Variants in WDR19 observed in about 807,000 individuals in gnomAD.
WDR19 encodes WD repeat-containing protein 19.
WDR19 carries 121 observed loss-of-function variants against 180.0 expected under a neutral mutation model. The ratio of observed to expected loss-of-function variants is 0.67; its 90% CI spans 0.58 to 0.78. The LOEUF (loss-of-function observed/expected upper bound fraction) is 0.78. Among genes scored for constraint, WDR19 ranks in the 30% least tolerant of loss-of-function variants. The probability of loss-of-function intolerance (pLI) is 0.00; values close to 1 mark genes in which losing one functional copy is unlikely to be tolerated. For missense variants in WDR19, 1,450 were observed against 1,640.7 expected (o/e 0.88, Z 2.01); for synonymous variants, 497 against 540.7 (o/e 0.92, Z 1.12).
intron 9 of WDR19, among the ~76,000 whole-genome samples, chr4:39,211,969 GAGAGAGAGAGAGAGAGAT>G (rs1210748217): frequency 1.5e-4 from 14 of 93,120 alleles, no homozygotes; most frequent in African/African-American, 7.2e-4. Flanking sequence ...GAGAGAGAGA[GAGAGAGAGAGAGAGAGAT>G]AGATAGATGT....
chr4:39,216,295 C>T (rs936671299), intron 12 of WDR19, 85 bp downstream of exon 12: 2 of 1,073,746 alleles, frequency 1.9e-6, no homozygotes, highest in Non-Finnish European at 2.7e-6. Context: ...CTTTTAGGAC[C>T]AAGTCTTTCA....
chr4:39,231,770 G>A, intron 17 of WDR19, 27 bp from the exon 18 acceptor site: 1 of 1,546,350 alleles, frequency 6.5e-7, no homozygotes, highest in South Asian at 1.3e-5. Flanking sequence ...GGAACATTCT[G>A]ATTAAGCTTA....
chr4:39,264,148 A>G (rs1734564210), intron 28 of WDR19, among the ~76,000 whole-genome samples: 1 of 152,164 alleles, frequency 6.6e-6, no homozygotes, highest in South Asian at 2.1e-4. Flanking sequence ...CAGTTCTGTG[A>G]GTTAGGTGCT....
intron 24 of WDR19, among the ~76,000 whole-genome samples, chr4:39,249,068 T>C (rs1054354041): frequency 1.3e-5 from 2 of 150,904 alleles, no homozygotes; most frequent in South Asian, 2.1e-4. Context: ...TCAGCAACTA[T>C]TCCAAAATTG....
In WDR19 at chr4:39,215,613, A is replaced by C. The variant is rs375422414; in HGVS notation, c.962-228A>C. ...TTCTCAGAACATAGCCCTGTTGTTA[A>C]GTGACACATAACTGTACTTTCCCTT... On this transcript the variant is annotated intron_variant, in intron 10 of 36. Transcript: ENST00000399820. Among the ~76,000 whole-genome samples, 31 of 152,316 alleles carry C rather than the reference A, an allele frequency of 2.0e-4. 1 individual carries two copies. In the South Asian group the frequency reaches 6.0e-3, roughly 30 times the overall value.
intron 14 of WDR19, among the ~76,000 whole-genome samples, chr4:39,222,805 C>T (rs530025835): frequency 2.6e-5 from 4 of 152,240 alleles, no homozygotes; most frequent in South Asian, 2.1e-4. Context: ...CCTAGTTTCC[C>T]GCAGTGGTAA....
chr4:39,185,883 A>G (rs1010576373), intron 2 of WDR19, 66 bp downstream of exon 2: 4 of 1,289,404 alleles, frequency 3.1e-6, no homozygotes, highest in Middle Eastern at 1.9e-4. Flanking sequence ...TCTACTCAGT[A>G]GAAGTTTTTT....
intron 3 of WDR19, among the ~76,000 whole-genome samples, chr4:39,189,068 A>G (rs1476104066): frequency 6.6e-6 from 1 of 152,016 alleles, no homozygotes; most frequent in Non-Finnish European, 1.5e-5. Context: ...GATTACAGGC[A>G]TGCACCACCA....
chr4:39,194,674 G>A lies in WDR19; in HGVS notation c.406+15G>A. The A allele has an allele frequency of 6.5e-7, 1 of 1,537,622 alleles. No homozygotes were observed. Among genetic ancestry groups the A allele is most frequent in the South Asian group, 1.1e-5 (1 of 87,516 alleles). On this transcript the variant is annotated intron_variant, in intron 5 of 36. Transcript: ENST00000399820. Reference sequence around the variant, plus strand: ...TCCTGTCCTTGGTAGGTGATAGCTGGAAACACTGCTAAATATTTGAGATGC... The same window carrying A: ...TCCTGTCCTTGGTAGGTGATAGCTGAAAACACTGCTAAATATTTGAGATGC...
At chr4:39,217,697 C>T (rs1407811787) in intron 13 of WDR19, among the ~76,000 whole-genome samples, 5 of 152,112 alleles carry the variant, frequency 3.3e-5, no homozygotes, top group Non-Finnish European at 5.9e-5. Context: ...TAAGTCAGGG[C>T]ATCTCTCACA....
chr4:39,259,616 A>G (rs1364372591), intron 28 of WDR19, among the ~76,000 whole-genome samples: 1 of 152,202 alleles, frequency 6.6e-6, no homozygotes, highest in Non-Finnish European at 1.5e-5. Flanking sequence ...ATTCCATCGT[A>G]TGAATATACC....
intron 34 of WDR19, among the ~76,000 whole-genome samples, 166 bp downstream of exon 34, chr4:39,277,309 T>C (rs566005897): frequency 6.6e-6 from 1 of 152,354 alleles, no homozygotes; most frequent in South Asian, 2.1e-4. Context: ...AAAGGTGATA[T>C]TCAAAGCAAA....
At chr4:39,187,247 C>T (rs757928145) in intron 3 of WDR19, among the ~76,000 whole-genome samples, 3 of 151,910 alleles carry the variant, frequency 2.0e-5, no homozygotes, top group East Asian at 1.9e-4. Flanking sequence ...GGTCAAACCT[C>T]GTCTCCACTA....
intron 20 of WDR19, among the ~76,000 whole-genome samples, chr4:39,238,469 T>C (rs1460740037): frequency 6.6e-6 from 1 of 152,168 alleles, no homozygotes; most frequent in Non-Finnish European, 1.5e-5. Context: ...CCAAGGAAAA[T>C]CTCAGGCTCC....
Position 39,205,589 on chromosome 4 carries a change from G to A in WDR19, c.743G>A (p.Gly248Asp). 1 of 1,613,314 alleles carries A rather than the reference G, an allele frequency of 6.2e-7. No homozygotes were observed. Among genetic ancestry groups the A allele is most frequent in the Non-Finnish European group, 8.5e-7 (1 of 1,179,642 alleles). Residue 248 changes from glycine (G) to aspartate (D), a missense_variant, in exon 9 of 37, where the codon GGT (glycine) becomes GAT (aspartate). By Grantham distance (94) the Gly-to-Asp change is moderately conservative. Transcript: ENST00000399820. ...NWYGDGRIMI[G>D]FSCGHFVVIS... Reference sequence around the variant, plus strand: ...TATGGTGATGGCCGCATCATGATTGGTTTTTCATGTGGACATTTTGTGGTC... The same window carrying A: ...TATGGTGATGGCCGCATCATGATTGATTTTTCATGTGGACATTTTGTGGTC...
At chr4:39,276,957 T>C in intron 33 of WDR19, 63 bp from the exon 34 acceptor site, 2 of 1,600,092 alleles carry the variant, frequency 1.2e-6, no homozygotes, top group South Asian at 2.2e-5. Context: ...ATATGCTTTC[T>C]CTTTGCCATC....
At chr4:39,185,554 G>T (rs933581501) in intron 1 of WDR19, among the ~76,000 whole-genome samples, 172 bp from the exon 2 acceptor site, 3 of 152,050 alleles carry the variant, frequency 2.0e-5, no homozygotes, top group Non-Finnish European at 4.4e-5. Context: ...TTAGTTGGTT[G>T]GTTGATTTTG....
intron 25 of WDR19, 47 bp from the exon 26 acceptor site, chr4:39,253,859 C>A: frequency 6.8e-7 from 1 of 1,464,210 alleles, no homozygotes; most frequent in Non-Finnish European, 9.1e-7. Context: ...TTTTGTAAAT[C>A]ACAAATTTAT....
At chr4:39,196,262 TA>T (rs1388065411) in intron 5 of WDR19, among the ~76,000 whole-genome samples, 7 of 152,214 alleles carry the variant, frequency 4.6e-5, no homozygotes, top group African/African-American at 1.7e-4. Flanking sequence ...AAATACTGTC[TA>T]TATCCTGAAA....
Sources: allele counts gnomAD v4.1 joint callset (sites outside exome capture counted in the v4.1 genomes callset), GRCh38; gene constraint gnomAD v4.1.1; transcripts MANE v1.5; gene names NCBI Gene and HGNC (gene_info 2026-07-23, HGNC 2026-07-21).